Variants in ETV6 observed in about 807,000 individuals in gnomAD.
ETV6 encodes the protein transcription factor ETV6.
Under a neutral mutation model 51.1 loss-of-function variants are expected in ETV6, and 16 were observed. The observed-to-expected ratio is 0.31, with a 90% CI of 0.21 to 0.48. The LOEUF (loss-of-function observed/expected upper bound fraction) is 0.48, where lower values mean the gene tolerates loss of function less well. Among genes scored for constraint, ETV6 ranks in the 20% least tolerant of loss-of-function variants. The pLI is 0.99. For missense variants in ETV6, 458 were observed against 594.8 expected (o/e 0.77, Z 2.39); for synonymous variants, 240 against 224.1 (o/e 1.07, Z -0.64).
chr12:11,791,468 A>G (rs1945590357), intron 2 of ETV6, among the ~76,000 whole-genome samples: 1 of 152,204 alleles, frequency 6.6e-6, no homozygotes. Flanking sequence ...TGTTGTCACT[A>G]TTGATAGTCT....
intron 2 of ETV6, among the ~76,000 whole-genome samples, chr12:11,756,759 G>A (rs974229590): frequency 5.3e-5 from 8 of 152,308 alleles, no homozygotes; most frequent in African/African-American, 1.2e-4. Flanking sequence ...AGCACCTCAC[G>A]AGGTGCTGCC....
chr12:11,671,545 CTTGAT>C (rs2120698223), intron 1 of ETV6, among the ~76,000 whole-genome samples: 1 of 152,236 alleles, frequency 6.6e-6, no homozygotes, highest in South Asian at 2.1e-4. Context: ...TACCAGTTAA[CTTGAT>C]TTGATTATAA....
rs139212214 is a variant in ETV6 at position 11,752,478 on chromosome 12, A to G, written c.62A>G (p.Glu21Gly). ...GAACGAATTTCATATACACCTCCAG[A>G]GAGCCCAGTGCCGAGTTACGCTTCC... is the stretch of plus-strand genomic sequence containing the variant. The part of the protein sequence containing the change: ...KQERISYTPP[E>G]SPVPSYASST... Residue 21 changes from glutamate to glycine, a missense_variant, in exon 2 of 8, where the codon GAG becomes GGG. Glu to Gly is a moderately conservative substitution (Grantham distance 98). Transcript: ENST00000396373. The G allele has an allele frequency of 5.0e-6, 8 of 1,613,654 alleles. No homozygotes were observed. The African/African-American group carries it at 1.1e-4, about 22-fold the overall frequency.
At chr12:11,830,179 GA>G (rs756541345) in intron 2 of ETV6, among the ~76,000 whole-genome samples, 44 of 152,344 alleles carry the variant, frequency 2.9e-4, no homozygotes, top group Non-Finnish European at 5.1e-4. Context: ...GCAGAGGTCA[GA>G]AGGTGCTCTG....
Position 11,891,757 on chromosome 12 carries a change from TG to T in ETV6, c.*715del, listed in dbSNP as rs1473334681. 1 of 386,546 alleles carries T rather than the reference TG, an allele frequency of 2.6e-6. No homozygotes were observed. The highest frequency in any genetic ancestry group is 5.0e-6 in the Non-Finnish European group (1 of 200,520). The allele number at this position is 386,546 out of a possible 1,614,324, so 23.9% of individuals were successfully genotyped here. ...CAGAGTTCAGCCTCTTGGAGAGTCTTGGGGATTGTTGGCACCTAAACAGAAT... is the reference window on the plus strand; with the variant it reads ...CAGAGTTCAGCCTCTTGGAGAGTCTTGGGATTGTTGGCACCTAAACAGAAT... On this transcript the variant is annotated 3_prime_UTR_variant, in exon 8 of 8. Coordinates refer to ENST00000396373, the MANE Select transcript of ETV6 (RefSeq NM_001987.5).
rs147577370 is a variant in ETV6 at position 11,695,250 on chromosome 12, G to C, written c.33+45090G>C. The stretch of plus-strand genomic sequence containing the variant: ...TCTCCACCTCACGTAATTAGGATTT[G>C]AGAGTTAAATAAGAAAGTCAGGGAT... On this transcript the variant is annotated intron_variant, in intron 1 of 7. Coordinates refer to ENST00000396373, the MANE Select transcript of ETV6 (RefSeq NM_001987.5). 6.6e-4 allele frequency among the ~76,000 whole-genome samples: 100 copies of C among 152,310 alleles called. 1 individual carries two copies. The highest frequency in any genetic ancestry group is 2.3e-3 in the African/African-American group (96 of 41,566).
chr12:11,782,987 G>C (rs1945433600), intron 2 of ETV6, among the ~76,000 whole-genome samples: 1 of 152,202 alleles, frequency 6.6e-6, no homozygotes, highest in Non-Finnish European at 1.5e-5. Context: ...TGTGTGTTCA[G>C]AAGGCTTTTG....
chr12:11,671,651 G>C (rs1700154437), intron 1 of ETV6, among the ~76,000 whole-genome samples: 1 of 152,060 alleles, frequency 6.6e-6, no homozygotes, highest in Non-Finnish European at 1.5e-5. Context: ...ACAGAATTTA[G>C]ACATTTAGAG....
chr12:11,661,173 G>A (rs1864095191), intron 1 of ETV6, among the ~76,000 whole-genome samples: 2 of 152,094 alleles, frequency 1.3e-5, no homozygotes, highest in South Asian at 4.1e-4. Flanking sequence ...AAAACTTTTT[G>A]TGGAGACGAG....
intron 1 of ETV6, among the ~76,000 whole-genome samples, chr12:11,699,812 C>T (rs1026240321): frequency 5.3e-5 from 8 of 152,074 alleles, no homozygotes; most frequent in Non-Finnish European, 7.4e-5. Flanking sequence ...GAGTATACTG[C>T]GTTCCCCCTC....
intron 3 of ETV6, among the ~76,000 whole-genome samples, chr12:11,842,219 C>G (rs924252931): frequency 6.6e-6 from 1 of 152,136 alleles, no homozygotes; most frequent in African/African-American, 2.4e-5. Flanking sequence ...TCCGGCTTGT[C>G]TGATTGCCTC....
At chr12:11,749,295 ACACACACACACACACACACAC>A (rs1351566146) in intron 1 of ETV6, among the ~76,000 whole-genome samples, 1 of 20,106 alleles carries the variant, frequency 5.0e-5, no homozygotes, top group African/African-American at 1.6e-4. Context: ...CCATACACAC[ACACACACACACACACACACAC>A]ACACACACAC....
chr12:11,670,623 C>G (rs1864295330), intron 1 of ETV6, among the ~76,000 whole-genome samples: 3 of 152,156 alleles, frequency 2.0e-5, no homozygotes, highest in South Asian at 4.1e-4. Flanking sequence ...AGGGCAGCAG[C>G]ATTTTAGGAA....
rs115936404 is a variant in ETV6 at position 11,782,351 on chromosome 12, G to A, written c.163+29772G>A. On this transcript the variant is annotated intron_variant, in intron 2 of 7. Transcript: ENST00000396373. ...GTTGTTAATCAATGTATCTACTCTC[G>A]GTGATTTTAAGAGAGAAAAGAAGAC... Among the ~76,000 whole-genome samples the A allele has an allele frequency of 5.7e-4, 86 of 151,968 alleles. 1 individual carries two copies. The highest frequency in any genetic ancestry group is 1.9e-3 in the African/African-American group (79 of 41,432).
At chr12:11,831,727 T>C (rs1372316119) in intron 2 of ETV6, among the ~76,000 whole-genome samples, 4 of 152,260 alleles carry the variant, frequency 2.6e-5, no homozygotes, top group Non-Finnish European at 5.9e-5. Context: ...TATGAATACA[T>C]ACTCTTCATC....
chr12:11,657,100 G>C (rs543513940), intron 1 of ETV6, among the ~76,000 whole-genome samples: 43 of 152,308 alleles, frequency 2.8e-4, no homozygotes, highest in Non-Finnish European at 5.6e-4. Context: ...CTCTAGTGAA[G>C]AGAGTCTTCA....
intron 1 of ETV6, among the ~76,000 whole-genome samples, chr12:11,737,948 T>C (rs890132433): frequency 6.6e-6 from 1 of 152,130 alleles, no homozygotes; most frequent in Admixed American, 6.5e-5. Flanking sequence ...CTTTTGTTAT[T>C]TTTTAGCCTT....
At chr12:11,773,192 CAAAAAAA>C (rs1221154358) in intron 2 of ETV6, among the ~76,000 whole-genome samples, 2 of 79,322 alleles carry the variant, frequency 2.5e-5, no homozygotes, top group Non-Finnish European at 5.1e-5. Flanking sequence ...GACTCCATCT[CAAAAAAA>C]AAAAAAAAAA....
chr12:11,845,764 G>A (rs1268098586), intron 3 of ETV6, among the ~76,000 whole-genome samples: 6 of 152,018 alleles, frequency 3.9e-5, no homozygotes, highest in South Asian at 2.1e-4. Flanking sequence ...AGGCCAAGGC[G>A]GGCAGATCAC....
Sources: gnomAD v4.1 joint callset for allele counts (sites outside exome capture counted in the v4.1 genomes callset) on GRCh38, gnomAD v4.1.1 for gene constraint, MANE v1.5 for transcripts, NCBI Gene and HGNC (gene_info 2026-07-23, HGNC 2026-07-21) for gene names.